Variants in B3GALT1 observed in about 807,000 individuals in gnomAD.
The protein encoded by B3GALT1 is UDP-Gal:betaGlcNAc beta 1,3-galactosyltransferase, polypeptide 1.
In B3GALT1, 10 loss-of-function variants were observed where a neutral mutation model predicts 23.2. The observed-to-expected ratio is 0.43, with a 90% confidence interval of 0.27 to 0.73. The LOEUF is 0.73. Among genes scored for constraint, B3GALT1 ranks in the 30% least tolerant of loss-of-function variants. The probability of loss-of-function intolerance (pLI) is 0.21; values close to 1 mark genes in which losing one functional copy is unlikely to be tolerated. For missense variants in B3GALT1, 299 were observed against 405.4 expected (o/e 0.74, Z 2.25); for synonymous variants, 156 against 141.5 (o/e 1.10, Z -0.73).
chr2:167,678,973 A>G (rs1289322353), intron 3 of B3GALT1, among the ~76,000 whole-genome samples: 1 of 152,158 alleles, frequency 6.6e-6, no homozygotes, highest in Non-Finnish European at 1.5e-5. Context: ...TATTTTTCCA[A>G]AGACTTGGAG....
intron 4 of B3GALT1, among the ~76,000 whole-genome samples, chr2:167,834,796 C>T (rs111378322): frequency 2.0e-5 from 3 of 152,034 alleles, no homozygotes; most frequent in African/African-American, 7.2e-5. Flanking sequence ...TTGCAGTGAG[C>T]CAAGATTGCA....
chr2:167,849,874 A>T (rs1689842414), intron 4 of B3GALT1, among the ~76,000 whole-genome samples: 1 of 147,392 alleles, frequency 6.8e-6, no homozygotes, highest in Non-Finnish European at 1.5e-5. Flanking sequence ...CCGGGAAAAG[A>T]GCGAGACTCT....
intron 3 of B3GALT1, among the ~76,000 whole-genome samples, chr2:167,676,918 G>GT (rs1686438936): frequency 6.6e-6 from 1 of 152,256 alleles, no homozygotes; most frequent in African/African-American, 2.4e-5. Context: ...AACTAAACAA[G>GT]TACTCTCAAA....
intron 1 of B3GALT1, among the ~76,000 whole-genome samples, chr2:167,335,919 G>T (rs73972240): frequency 0.031 from 4,667 of 152,122 alleles, 226 homozygotes; most frequent in African/African-American, 0.11. Flanking sequence ...ATTCAAGATG[G>T]AATTCCTCTG....
chr2:167,869,250 A>G lies in B3GALT1; in HGVS notation c.211A>G (p.Asn71Asp), dbSNP rs1410684866. ...HSFEFLINEP[N>D]KCEKNIPFLV... ...TTTTGAATTTCTTATCAACGAGCCC[A>G]ATAAATGTGAGAAAAACATTCCTTT... is the stretch of plus-strand genomic sequence containing the variant. Residue 71 changes from asparagine to aspartate, a missense_variant, in exon 5 of 5, where the codon AAT becomes GAT. This residue lies in a region of B3GALT1 where 162 missense variants were observed against 184.1 expected (regional missense o/e 0.88). Coordinates refer to ENST00000392690, the MANE Select transcript of B3GALT1 (RefSeq NM_020981.4). The surrounding 1 kb of genome is among the most constrained non-coding windows in gnomAD (Gnocchi z 6.4). The G allele has an allele frequency of 6.2e-7, 1 of 1,614,194 alleles. No homozygotes were observed. The highest frequency in any genetic ancestry group is 8.5e-7 in the Non-Finnish European group (1 of 1,180,028).
chr2:167,663,583 T>C (rs1309697281), intron 3 of B3GALT1, among the ~76,000 whole-genome samples: 2 of 151,144 alleles, frequency 1.3e-5, no homozygotes, highest in Non-Finnish European at 3.0e-5. Flanking sequence ...ACCAACAGTG[T>C]AAAAGTGTTC....
At chr2:167,559,591 A>G (rs1427396044) in intron 2 of B3GALT1, among the ~76,000 whole-genome samples, 4 of 152,224 alleles carry the variant, frequency 2.6e-5, no homozygotes, top group East Asian at 1.9e-4. Flanking sequence ...TGGAATAACC[A>G]ATACAGAGAA....
chr2:167,753,738 A>G (rs943844685), intron 3 of B3GALT1, among the ~76,000 whole-genome samples: 1 of 152,244 alleles, frequency 6.6e-6, no homozygotes, highest in Non-Finnish European at 1.5e-5. Context: ...TCTACATTGC[A>G]GACCTTTCAT....
chr2:167,505,381 T>C (rs1228655), intron 2 of B3GALT1, among the ~76,000 whole-genome samples: 3,212 of 152,214 alleles, frequency 0.021, 112 homozygotes, highest in African/African-American at 0.073. Flanking sequence ...GTGTAGGTTT[T>C]CTAAAAACAA....
At chr2:167,317,464 G>A (rs1192627570) in intron 1 of B3GALT1, among the ~76,000 whole-genome samples, 1 of 152,006 alleles carries the variant, frequency 6.6e-6, no homozygotes, top group Non-Finnish European at 1.5e-5. Flanking sequence ...AAAAACATGT[G>A]AGCTTCCTGA....
chr2:167,545,865 T>A (rs1446699345), intron 2 of B3GALT1, among the ~76,000 whole-genome samples: 1 of 152,210 alleles, frequency 6.6e-6, no homozygotes, highest in East Asian at 1.9e-4. Flanking sequence ...TTTCTGAAAT[T>A]TTTAAGGTTT....
At chr2:167,441,550 G>T (rs188691021) in intron 1 of B3GALT1, among the ~76,000 whole-genome samples, 2 of 152,062 alleles carry the variant, frequency 1.3e-5, no homozygotes, top group East Asian at 3.9e-4. Flanking sequence ...CATGATACTC[G>T]TGTTATCTTC....
intron 4 of B3GALT1, among the ~76,000 whole-genome samples, chr2:167,840,079 G>C (rs975612738): frequency 9.2e-5 from 14 of 152,280 alleles, no homozygotes; most frequent in East Asian, 3.9e-4. Flanking sequence ...AAAAACCCTA[G>C]AAGAAAACCT....
intron 1 of B3GALT1, among the ~76,000 whole-genome samples, chr2:167,376,816 A>G (rs1430071115): frequency 3.3e-5 from 5 of 151,898 alleles, no homozygotes; most frequent in Admixed American, 2.6e-4. Flanking sequence ...GATTCTTTGT[A>G]TGGATTTGGA....
intron 2 of B3GALT1, among the ~76,000 whole-genome samples, chr2:167,636,387 G>A (rs1685557277): frequency 6.6e-6 from 1 of 151,994 alleles, no homozygotes; most frequent in East Asian, 1.9e-4. Context: ...ACTGTTGGTA[G>A]GAGTGTAAAT....
intron 4 of B3GALT1, among the ~76,000 whole-genome samples, chr2:167,830,490 A>G (rs558156052): frequency 6.6e-6 from 1 of 152,272 alleles, no homozygotes; most frequent in East Asian, 1.9e-4. Context: ...ATTTACTTCA[A>G]ACTTGTCCAC....
At chr2:167,380,203 C>A (rs986408160) in intron 1 of B3GALT1, among the ~76,000 whole-genome samples, 3 of 152,136 alleles carry the variant, frequency 2.0e-5, no homozygotes, top group Non-Finnish European at 4.4e-5. Flanking sequence ...AAGGATGGAT[C>A]AGCTCAGGCT....
At chr2:167,420,918 T>C (rs1698538480) in intron 1 of B3GALT1, among the ~76,000 whole-genome samples, 1 of 152,196 alleles carries the variant, frequency 6.6e-6, no homozygotes, top group Non-Finnish European at 1.5e-5. Flanking sequence ...TGGAATATTA[T>C]CAAAAGTAAG....
chr2:167,834,754 CAGA>C (rs1689423438), intron 4 of B3GALT1, among the ~76,000 whole-genome samples: 1 of 151,892 alleles, frequency 6.6e-6, no homozygotes, highest in African/African-American at 2.4e-5. Flanking sequence ...GAGGCTGAAG[CAGA>C]AGAACTGCTT....
Sources: allele counts gnomAD v4.1 joint callset (sites outside exome capture counted in the v4.1 genomes callset), GRCh38; gene constraint gnomAD v4.1.1; regional missense constraint gnomAD v4.1.1; non-coding constraint Gnocchi (gnomAD v3.1); transcripts MANE v1.5; gene names NCBI Gene and HGNC (gene_info 2026-07-23, HGNC 2026-07-21).